Variants in DLGAP1 observed in about 807,000 individuals in gnomAD.
The protein encoded by DLGAP1 is DLG associated protein 1.
DLGAP1 carries 11 observed loss-of-function variants against 90.8 expected under a neutral mutation model. The ratio of observed to expected loss-of-function variants is 0.12; its 90% CI spans 0.08 to 0.20. The LOEUF is 0.20. DLGAP1 is among the 10% of genes least tolerant of loss of function. The pLI, the probability that DLGAP1 is intolerant of heterozygous loss-of-function variation, is 1.00. For missense variants in DLGAP1, 1,050 were observed against 1,333.8 expected (o/e 0.79, Z 3.31); for synonymous variants, 558 against 540.7 (o/e 1.03, Z -0.44).
intron 1 of DLGAP1, among the ~76,000 whole-genome samples, chr18:4,170,608 A>AG (rs1291397960): frequency 1.3e-5 from 2 of 152,180 alleles, no homozygotes; most frequent in Non-Finnish European, 2.9e-5. Flanking sequence ...GAATGACCCC[A>AG]GGACATCTGA....
chr18:3,674,611 C>A (rs898098133), intron 7 of DLGAP1, among the ~76,000 whole-genome samples: 1 of 144,046 alleles, frequency 6.9e-6, no homozygotes, highest in Non-Finnish European at 1.5e-5. Flanking sequence ...CAGAGCAAGA[C>A]CCTATCTGTA....
intron 3 of DLGAP1, among the ~76,000 whole-genome samples, chr18:3,944,366 C>T (rs947050702): frequency 3.9e-5 from 6 of 152,062 alleles, no homozygotes; most frequent in Non-Finnish European, 5.9e-5. Flanking sequence ...CATGGTGGTG[C>T]GTGCCTGCAA....
intron 7 of DLGAP1, among the ~76,000 whole-genome samples, chr18:3,700,893 G>A (rs1438760796): frequency 6.6e-6 from 1 of 150,602 alleles, no homozygotes; most frequent in East Asian, 2.0e-4. Context: ...ACAGGGGTGA[G>A]CCATCACGCC....
chr18:3,886,458 C>T (rs1049948088), intron 3 of DLGAP1, among the ~76,000 whole-genome samples: 5 of 152,042 alleles, frequency 3.3e-5, no homozygotes, highest in African/African-American at 9.7e-5. Flanking sequence ...TTTAAAAGTG[C>T]GATTAGATTA....
chr18:4,163,715 T>C (rs1373149593), intron 1 of DLGAP1, among the ~76,000 whole-genome samples: 1 of 152,210 alleles, frequency 6.6e-6, no homozygotes, highest in Non-Finnish European at 1.5e-5. Flanking sequence ...TCTTTTTATT[T>C]CCTTTGCTTC....
At chr18:3,990,725 T>C (rs988896177) in intron 3 of DLGAP1, among the ~76,000 whole-genome samples, 5 of 151,252 alleles carry the variant, frequency 3.3e-5, no homozygotes, top group African/African-American at 7.3e-5. Context: ...ACCAGAAATA[T>C]ATGTGCTATT....
At chr18:4,045,440 A>T (rs2075037344) in intron 2 of DLGAP1, among the ~76,000 whole-genome samples, 1 of 114,662 alleles carries the variant, frequency 8.7e-6, no homozygotes, top group Non-Finnish European at 1.8e-5. Context: ...TACAAAAAAA[A>T]AAAAAAAAAA....
At chr18:3,905,524 G>A (rs991857681) in intron 3 of DLGAP1, among the ~76,000 whole-genome samples, 2 of 151,846 alleles carry the variant, frequency 1.3e-5, no homozygotes, top group African/African-American at 4.8e-5. Flanking sequence ...TTCATTACTT[G>A]GTAACAAGGA....
intron 9 of DLGAP1, among the ~76,000 whole-genome samples, chr18:3,550,653 G>C (rs536656923): frequency 7.7e-4 from 117 of 151,830 alleles, no homozygotes; most frequent in Non-Finnish European, 1.3e-3. Context: ...AAGACACAGG[G>C]AGAAGATGGC....
intron 7 of DLGAP1, among the ~76,000 whole-genome samples, chr18:3,704,643 T>C (rs2061379422): frequency 6.6e-6 from 1 of 151,434 alleles, no homozygotes; most frequent in African/African-American, 2.4e-5. Context: ...TGGGGGTCCA[T>C]TGCTTGATTT....
chr18:3,646,341 T>C (rs1476622870), intron 7 of DLGAP1, among the ~76,000 whole-genome samples: 1 of 151,960 alleles, frequency 6.6e-6, no homozygotes, highest in Non-Finnish European at 1.5e-5. Flanking sequence ...TACAGTGAGC[T>C]GAGATTGTAT....
intron 7 of DLGAP1, among the ~76,000 whole-genome samples, chr18:3,602,344 C>G (rs1027407605): frequency 1.3e-5 from 2 of 152,054 alleles, no homozygotes; most frequent in African/African-American, 4.8e-5. Context: ...GCCTGTCATC[C>G]CAGCAATTTG....
chr18:4,031,542 G>T (rs1598270886), intron 2 of DLGAP1, among the ~76,000 whole-genome samples: 1 of 152,152 alleles, frequency 6.6e-6, no homozygotes. Context: ...CCCTTTAGAG[G>T]CAGTTGATGG....
intron 5 of DLGAP1, among the ~76,000 whole-genome samples, chr18:3,746,357 T>C (rs934205946): frequency 4.6e-5 from 7 of 152,178 alleles, no homozygotes; most frequent in Non-Finnish European, 7.4e-5. Flanking sequence ...TAAAGCCTTA[T>C]GGAAGGCAAT....
At chr18:3,905,245 T>A (rs2071872875) in intron 3 of DLGAP1, among the ~76,000 whole-genome samples, 1 of 150,864 alleles carries the variant, frequency 6.6e-6, no homozygotes, top group South Asian at 2.1e-4. Context: ...CAGATGCCTG[T>A]AGTCCCAGCT....
intron 2 of DLGAP1, among the ~76,000 whole-genome samples, chr18:4,017,009 C>T (rs2074534338): frequency 6.6e-6 from 1 of 152,130 alleles, no homozygotes; most frequent in Admixed American, 6.6e-5. Flanking sequence ...CCCTCATCTC[C>T]CCAGCAATAT....
chr18:4,363,871 A>G (rs913941468), intron 1 of DLGAP1, among the ~76,000 whole-genome samples: 1 of 152,176 alleles, frequency 6.6e-6, no homozygotes, highest in Non-Finnish European at 1.5e-5. Context: ...ATCTAGAACT[A>G]GAAATACCAT....
chr18:4,035,429 TATC>T (rs891133811), intron 2 of DLGAP1, among the ~76,000 whole-genome samples: 2 of 152,198 alleles, frequency 1.3e-5, no homozygotes, highest in African/African-American at 4.8e-5. Context: ...GATACTGAAA[TATC>T]ATTAAATAAA....
At chr18:3,907,529 T>C (rs561767822) in intron 3 of DLGAP1, among the ~76,000 whole-genome samples, 1 of 152,262 alleles carries the variant, frequency 6.6e-6, no homozygotes, top group South Asian at 2.1e-4. Context: ...ACCTCCAGTG[T>C]AGGCTTGATT....
Sources: gnomAD v4.1 joint callset for allele counts (sites outside exome capture counted in the v4.1 genomes callset) on GRCh38, gnomAD v4.1.1 for gene constraint, MANE v1.5 for transcripts, NCBI Gene and HGNC (gene_info 2026-07-23, HGNC 2026-07-21) for gene names.